The following UBE2D3 variants were observed in gnomAD, a reference collection of about 807,000 sequenced individuals.
The protein encoded by UBE2D3 is ubiquitin conjugating enzyme E2 D3, also known as ubiquitin-conjugating enzyme E2 D3.
UBE2D3 carries 2 observed loss-of-function variants against 22.8 expected under a neutral mutation model. That is an observed-to-expected ratio of 0.09 (90% CI 0.04 to 0.28). The LOEUF (loss-of-function observed/expected upper bound fraction) is 0.28, where lower values mean the gene tolerates loss of function less well. Among genes scored for constraint, UBE2D3 ranks in the 10% least tolerant of loss-of-function variants. The pLI, the probability that UBE2D3 is intolerant of heterozygous loss-of-function variation, is 1.00. For missense variants in UBE2D3, 27 were observed against 182.5 expected (o/e 0.15, Z 4.91); for synonymous variants, 56 against 60.4 (o/e 0.93, Z 0.34).
chr4:102,823,179 G>C (rs1729904733), intron 2 of UBE2D3, among the ~76,000 whole-genome samples: 1 of 152,126 alleles, frequency 6.6e-6, no homozygotes, highest in Admixed American at 6.5e-5. Context: ...ATATGCAAAA[G>C]TAAACCGTTC....
At chr4:102,814,578 C>T (rs149517842) in intron 2 of UBE2D3, among the ~76,000 whole-genome samples, 43 of 151,170 alleles carry the variant, frequency 2.8e-4, no homozygotes, top group African/African-American at 1.0e-3. Flanking sequence ...GCTAGGAATA[C>T]AGGTGTGAAC....
intron 1 of UBE2D3, chr4:102,827,139 C>T: frequency 1.0e-6 from 1 of 986,568 alleles, no homozygotes; most frequent in Non-Finnish European, 1.2e-6. Context: ...CCCCTGACGC[C>T]ACCGTACACT....
chr4:102,824,140 T>TA (rs112404378), intron 2 of UBE2D3, among the ~76,000 whole-genome samples: 3 of 152,356 alleles, frequency 2.0e-5, no homozygotes, highest in African/African-American at 7.2e-5. Context: ...AAAGTTTCTG[T>TA]AAGTTGAATC....
intron 1 of UBE2D3, 82 bp from the exon 2 acceptor site, chr4:102,826,718 G>T: frequency 7.0e-7 from 1 of 1,426,982 alleles, no homozygotes; most frequent in Non-Finnish European, 9.1e-7. Flanking sequence ...AGACAGCCGC[G>T]ATCCGGGGTG....
rs1437377399 is a variant in UBE2D3 at position 102,801,512 on chromosome 4, G to A, written c.246C>T (p.Gly82=). 54 of 1,608,354 alleles carry A rather than the reference G, an allele frequency of 3.4e-5. No homozygotes were observed. The highest frequency in any genetic ancestry group is 4.6e-5 in the Non-Finnish European group (54 of 1,177,826). ...RIYHPNINSN[G]SICLDILRSQ... is the part of the protein sequence containing the mutation. ...ATCTTAGAATATCGAGACAAATGCT[G>A]CCATTACTGTTAATATTTGGATGAT... Residue 82 remains glycine (G), a synonymous_variant, in exon 6 of 8, where the codon GGC becomes GGT. Coordinates refer to ENST00000453744, the MANE Select transcript of UBE2D3 (RefSeq NM_181891.3).
At chr4:102,830,949 T>C (rs572779593), upstream of UBE2D3, among the ~76,000 whole-genome samples, 18 of 152,316 alleles carry the variant, frequency 1.2e-4, 1 homozygote, top group African/African-American at 4.3e-4. Flanking sequence ...AATTTTTCAG[T>C]GAGGCCACGT....
intron 4 of UBE2D3, among the ~76,000 whole-genome samples, chr4:102,803,401 A>G (rs1726511311): frequency 6.6e-6 from 1 of 151,940 alleles, no homozygotes; most frequent in Non-Finnish European, 1.5e-5. Context: ...ACCAACACTG[A>G]CTCCCCTCTA....
rs1725251194 is a variant in UBE2D3, at chr4:102,796,151, CTTTA to C, written c.*1260_*1263del. 1.3e-5 allele frequency: 2 copies of C among 152,364 alleles called. No homozygotes were observed. The highest frequency in any genetic ancestry group is 1.5e-5 in the Non-Finnish European group (1 of 67,892). 9.4% of individuals were successfully genotyped at this position (152,364 alleles called of 1,614,324 possible). On this transcript the variant is annotated 3_prime_UTR_variant, in exon 8 of 8. Transcript: ENST00000453744. The stretch of plus-strand genomic sequence containing the variant: ...TGACAACTCCCACACCAAAACAGTA[CTTTA>C]TTTTGCAAATTTTGACCCATTATTA...
chr4:102,819,393 T>C (rs1232496505), intron 2 of UBE2D3, among the ~76,000 whole-genome samples: 1 of 152,100 alleles, frequency 6.6e-6, no homozygotes. Flanking sequence ...TAAAAATATT[T>C]ATTCACAAAT....
At chr4:102,836,541 G>T (rs1439871572) in intron 1 of UBE2D3, among the ~76,000 whole-genome samples, 2 of 152,166 alleles carry the variant, frequency 1.3e-5, no homozygotes, top group African/African-American at 4.8e-5. Flanking sequence ...TGAGTAAGTA[G>T]CTTAGGAGTG....
At chr4:102,848,049 A>G (rs967276573) in intron 1 of UBE2D3, among the ~76,000 whole-genome samples, 1 of 152,174 alleles carries the variant, frequency 6.6e-6, no homozygotes, top group African/African-American at 2.4e-5. Flanking sequence ...CACTCATGCA[A>G]AAATTCAAAA....
At chr4:102,867,811 CA>C (rs1185862941) in intron 1 of UBE2D3, among the ~76,000 whole-genome samples, 2 of 152,120 alleles carry the variant, frequency 1.3e-5, no homozygotes, top group Non-Finnish European at 2.9e-5. Flanking sequence ...ACAACAACAA[CA>C]AAATTAAAAC....
intron 2 of UBE2D3, among the ~76,000 whole-genome samples, chr4:102,814,371 C>T (rs1170061732): frequency 6.6e-6 from 1 of 151,262 alleles, no homozygotes; most frequent in Non-Finnish European, 1.5e-5. Context: ...TCACTGCAAC[C>T]TCCTCCTCCC....
intron 1 of UBE2D3, among the ~76,000 whole-genome samples, chr4:102,851,896 T>TGA (rs1578294299): frequency 6.6e-6 from 1 of 151,912 alleles, no homozygotes. Context: ...CTCGAACTCC[T>TGA]GACCCTCAGG....
intron 6 of UBE2D3, among the ~76,000 whole-genome samples, chr4:102,799,832 T>TG (rs36031423): frequency 0.097 from 11,278 of 116,798 alleles, 731 homozygotes; most frequent in East Asian, 0.21. Flanking sequence ...ACTCAGTGGC[T>TG]GGGGGGGGGG....
intron 7 of UBE2D3, chr4:102,798,888 G>A: frequency 6.2e-7 from 1 of 1,600,802 alleles, no homozygotes. Context: ...AGTGCTGGCA[G>A]TACCATAATA....
intron 4 of UBE2D3, among the ~76,000 whole-genome samples, chr4:102,806,420 A>T (rs1336143131): frequency 6.6e-6 from 1 of 152,164 alleles, no homozygotes; most frequent in East Asian, 1.9e-4. Flanking sequence ...TAGACTACAA[A>T]GCTCCTCAAC....
chr4:102,846,727 ACTC>A (rs1255937357), intron 1 of UBE2D3, among the ~76,000 whole-genome samples: 3 of 151,406 alleles, frequency 2.0e-5, no homozygotes, highest in African/African-American at 4.9e-5. Flanking sequence ...GCAACTTTGA[ACTC>A]CTGGGCTCAA....
At chr4:102,834,283 G>A (rs1364593690) in intron 1 of UBE2D3, among the ~76,000 whole-genome samples, 1 of 152,056 alleles carries the variant, frequency 6.6e-6, no homozygotes, top group Admixed American at 6.5e-5. Context: ...TTTTCATAAG[G>A]GTTTTTATTT....
Sources: allele counts gnomAD v4.1 joint callset (sites outside exome capture counted in the v4.1 genomes callset), GRCh38; gene constraint gnomAD v4.1.1; transcripts MANE v1.5; gene names NCBI Gene and HGNC (gene_info 2026-07-23, HGNC 2026-07-21).